Variants in CCDC150 observed in about 807,000 individuals in gnomAD.
CCDC150 encodes the protein coiled-coil domain-containing protein 150.
CCDC150 carries 151 observed loss-of-function variants against 156.5 expected under a neutral mutation model. The ratio of observed to expected loss-of-function variants is 0.97; its 90% CI spans 0.85 to 1.10. CCDC150 has a LOEUF of 1.10. Among genes scored for constraint, CCDC150 ranks in the 50% least tolerant of loss-of-function variants. The probability of loss-of-function intolerance (pLI) is 0.00; values close to 1 mark genes in which losing one functional copy is unlikely to be tolerated. For synonymous variants in CCDC150, 452 were observed against 429.4 expected (o/e 1.05, Z -0.65); for missense variants, 1,312 against 1,268.1 (o/e 1.03, Z -0.53).
chr2:196,709,708 G>T (rs538255570), intron 15 of CCDC150, among the ~76,000 whole-genome samples: 35 of 152,288 alleles, frequency 2.3e-4, no homozygotes, highest in African/African-American at 7.7e-4. Flanking sequence ...TGCCCTTTTT[G>T]TTGATGTTGA....
chr2:196,658,388 GC>G (rs922428689), intron 4 of CCDC150, among the ~76,000 whole-genome samples: 4 of 152,154 alleles, frequency 2.6e-5, no homozygotes, highest in Admixed American at 2.6e-4. Context: ...AGTAGGGAAA[GC>G]TGTGTTTTTC....
At chr2:196,724,971 C>G (rs1559279346) in intron 21 of CCDC150, among the ~76,000 whole-genome samples, 2 of 152,186 alleles carry the variant, frequency 1.3e-5, no homozygotes, top group African/African-American at 4.8e-5. Context: ...TATATTGATA[C>G]ATTCCTGCCT....
intron 17 of CCDC150, among the ~76,000 whole-genome samples, chr2:196,717,310 A>C (rs1016516340): frequency 5.9e-5 from 9 of 152,184 alleles, no homozygotes; most frequent in African/African-American, 2.2e-4. Context: ...TTTGGAGGGA[A>C]GAGTGAATAC....
intron 1 of CCDC150, 35 bp from the exon 2 acceptor site, chr2:196,646,306 G>C (rs1408233544): frequency 1.3e-6 from 2 of 1,599,294 alleles, no homozygotes; most frequent in Non-Finnish European, 1.7e-6. Context: ...ACAATAATAG[G>C]ACCTACCACA....
intron 13 of CCDC150, among the ~76,000 whole-genome samples, chr2:196,686,850 A>G (rs1695157105): frequency 6.6e-6 from 1 of 152,162 alleles, no homozygotes; most frequent in Non-Finnish European, 1.5e-5. Context: ...CACTTATAAG[A>G]GAACATGCAA....
intron 19 of CCDC150, chr2:196,720,077 AT>A: frequency 2.5e-6 from 1 of 395,128 alleles, no homozygotes; most frequent in Non-Finnish European, 5.1e-6. Flanking sequence ...ATTAATAATT[AT>A]TTTAGGTGAA....
chr2:196,645,255 C>T (rs999176520), intron 1 of CCDC150, among the ~76,000 whole-genome samples: 8 of 152,164 alleles, frequency 5.3e-5, no homozygotes, highest in Non-Finnish European at 1.0e-4. Flanking sequence ...ATTCTTGCTC[C>T]CTTAAATCCT....
chr2:196,668,626 AGTT>A (rs1694004615), intron 7 of CCDC150, among the ~76,000 whole-genome samples: 1 of 152,212 alleles, frequency 6.6e-6, no homozygotes, highest in Non-Finnish European at 1.5e-5. Flanking sequence ...AGGTACAAGT[AGTT>A]GTTTGAGCTA....
At chr2:196,722,467 G>A (rs1422783746) in intron 21 of CCDC150, among the ~76,000 whole-genome samples, 1 of 151,496 alleles carries the variant, frequency 6.6e-6, no homozygotes, top group Non-Finnish European at 1.5e-5. Flanking sequence ...TAAGAGATAG[G>A]GTTTCTCCAT....
At chr2:196,640,294 A>ATTAAT (rs1692136795) in intron 1 of CCDC150, among the ~76,000 whole-genome samples, 1 of 152,218 alleles carries the variant, frequency 6.6e-6, no homozygotes, top group African/African-American at 2.4e-5. Context: ...GCACTGTATT[A>ATTAAT]GGCTCTAAAG....
At chr2:196,653,929 G>T (rs577787758) in intron 2 of CCDC150, among the ~76,000 whole-genome samples, 31 of 152,172 alleles carry the variant, frequency 2.0e-4, no homozygotes, top group Non-Finnish European at 4.0e-4. Flanking sequence ...TCTGATGAGG[G>T]CCTCAGGAAG....
At position 196,731,931 on chromosome 2, in the gene CCDC150, T is replaced by C. The variant is rs148625467; in HGVS notation, c.3070-102T>C. The C allele has an allele frequency of 5.2e-4, 547 of 1,047,082 alleles. 3 individuals carry two copies. In the African/African-American group the frequency reaches 8.1e-3, roughly 15 times the overall value. 64.9% of individuals were successfully genotyped at this position (1,047,082 alleles called of 1,614,324 possible). A position where few individuals can be genotyped will look rare whatever the true frequency, so the allele number is the denominator to read the frequency against. ...GTTGTGAAGAACAAGCAGTCAGAAT[T>C]TGGGTCTTTTAATTTCTAAGTAAAA... On this transcript the variant is annotated intron_variant, in intron 26 of 27. Transcript: ENST00000389175.
intron 7 of CCDC150, chr2:196,667,266 T>C (rs572577024): frequency 5.4e-4 from 121 of 224,698 alleles, no homozygotes; most frequent in Non-Finnish European, 8.6e-4. Context: ...CTTCATGTTA[T>C]CAATCTATTT....
chr2:196,653,196 A>C (rs1041849968), intron 2 of CCDC150, among the ~76,000 whole-genome samples: 2 of 152,228 alleles, frequency 1.3e-5, no homozygotes, highest in African/African-American at 4.8e-5. Flanking sequence ...TCCACAGGCC[A>C]CTTGAATTCC....
intron 13 of CCDC150, among the ~76,000 whole-genome samples, chr2:196,681,575 T>A (rs563995537): frequency 6.6e-6 from 1 of 152,350 alleles, no homozygotes; most frequent in African/African-American, 2.4e-5. Flanking sequence ...CTAAACCATT[T>A]TACATTCTCA....
At position 196,665,690 on chromosome 2, in the gene CCDC150, A is replaced by G. The variant is rs80092902; in HGVS notation, c.762+7A>G. 21,302 of 1,515,502 alleles carry G rather than the reference A, an allele frequency of 0.014. 195 individuals carry two copies. The highest frequency in any genetic ancestry group is 0.028 in the Middle Eastern group (162 of 5,868). The allele number at this position is 1,515,502 out of a possible 1,614,324, so 93.9% of individuals were successfully genotyped here. ...GGAGGTAGAACGAAAACAGGTAGAA[A>G]GATTTCTTCTCCTTATGTGGTTTGG... On this transcript the variant is annotated splice_region_variant and intron_variant, in intron 6 of 27. Transcript: ENST00000389175.
intron 15 of CCDC150, among the ~76,000 whole-genome samples, chr2:196,711,603 G>A (rs922093743): frequency 1.3e-5 from 2 of 151,838 alleles, no homozygotes; most frequent in African/African-American, 4.9e-5. Flanking sequence ...AGACTTGTGA[G>A]TATCATCTTT....
intron 13 of CCDC150, among the ~76,000 whole-genome samples, chr2:196,690,816 A>G (rs903413221): frequency 2.6e-5 from 4 of 152,154 alleles, no homozygotes; most frequent in African/African-American, 7.2e-5. Context: ...CCTTTTGTCA[A>G]TTCAGTATGA....
intron 17 of CCDC150, among the ~76,000 whole-genome samples, chr2:196,717,895 A>G (rs79194210): frequency 4.9e-5 from 1 of 20,278 alleles, no homozygotes; most frequent in Non-Finnish European, 1.6e-4. Context: ...AGTCTCAAAA[A>G]AAAAAAAGCA....
Sources: allele counts gnomAD v4.1 joint callset (sites outside exome capture counted in the v4.1 genomes callset), GRCh38; gene constraint gnomAD v4.1.1; transcripts MANE v1.5; gene names NCBI Gene and HGNC (gene_info 2026-07-23, HGNC 2026-07-21).